Variants in LAMA3 observed in about 807,000 individuals in gnomAD.
The protein encoded by LAMA3 is laminin subunit alpha-3.
In LAMA3, 281 loss-of-function variants were observed where a neutral mutation model predicts 402.0. The observed-to-expected ratio is 0.70, with a 90% CI of 0.63 to 0.77. The LOEUF is 0.77. LAMA3 is among the 30% of genes least tolerant of loss of function. The pLI, the probability that LAMA3 is intolerant of heterozygous loss-of-function variation, is 0.00. For synonymous variants in LAMA3, 1,431 were observed against 1,558.4 expected, an observed-to-expected ratio of 0.92 and a Z score of 1.93; for missense variants, 3,840 against 4,215.5, an observed-to-expected ratio of 0.91 and a Z score of 2.47.
intron 72 of LAMA3, 82 bp from the exon 73 acceptor site, chr18:23,951,602 G>C: frequency 1.8e-6 from 2 of 1,091,300 alleles, no homozygotes; most frequent in Non-Finnish European, 2.8e-6. Flanking sequence ...CAGTTGGCCC[G>C]GTTTGGGGAG....
intron 32 of LAMA3, among the ~76,000 whole-genome samples, chr18:23,854,322 G>GTTCCT (rs1362022630): frequency 2.0e-4 from 31 of 152,212 alleles, no homozygotes; most frequent in Admixed American, 1.8e-3. Context: ...AGGTACTCTT[G>GTTCCT]TTCCTTTCCT....
chr18:23,851,714 G>C (rs2063949243), intron 32 of LAMA3, among the ~76,000 whole-genome samples: 1 of 152,186 alleles, frequency 6.6e-6, no homozygotes, highest in South Asian at 2.1e-4. Context: ...CACAGCTCCA[G>C]TCCTGATCCT....
intron 8 of LAMA3, among the ~76,000 whole-genome samples, chr18:23,769,021 AAACT>A (rs2062138862): frequency 6.6e-6 from 1 of 152,324 alleles, no homozygotes. Context: ...AAGGGTCGAA[AAACT>A]AACTATTGGG....
intron 51 of LAMA3, 70 bp downstream of exon 51, chr18:23,904,764 TG>T: frequency 1.3e-6 from 2 of 1,506,130 alleles, no homozygotes; most frequent in Non-Finnish European, 9.2e-7. Context: ...TTTCTTTCCG[TG>T]GGCTCCAAGG....
At chr18:23,927,906 C>A (rs1197692709) in intron 62 of LAMA3, among the ~76,000 whole-genome samples, 1 of 152,200 alleles carries the variant, frequency 6.6e-6, no homozygotes, top group Non-Finnish European at 1.5e-5. Flanking sequence ...TTGTTGTCTG[C>A]ATTTTTAAAG....
rs527272344 is a variant in LAMA3, at chr18:23,712,273, G to A, written c.295-1647G>A. 5.9e-5 allele frequency among the ~76,000 whole-genome samples: 9 copies of A among 151,856 alleles called. 1 individual carries two copies. In the South Asian group the frequency reaches 8.4e-4, roughly 14 times the overall value. ...TGCATGCCTGTAATCCCAGCTACTC[G>A]GGAGGCTGAGGCAGGAGAATCGCTT... On this transcript the variant is annotated intron_variant, in intron 1 of 74. Coordinates refer to ENST00000313654, the MANE Select transcript of LAMA3 (RefSeq NM_198129.4).
chr18:23,876,170 C>T, intron 38 of LAMA3, 124 bp from the exon 39 acceptor site: 1 of 707,366 alleles, frequency 1.4e-6, no homozygotes, highest in Non-Finnish European at 2.6e-6. Flanking sequence ...GCCTGGGCAG[C>T]AGAGTGAGAC....
chr18:23,946,339 C>T (rs748249177), intron 70 of LAMA3, 55 bp downstream of exon 70: 1 of 1,535,682 alleles, frequency 6.5e-7, no homozygotes, highest in Non-Finnish European at 9.0e-7. Context: ...ATATTATAGG[C>T]ATAATTGTAT....
chr18:23,775,038 G>C (rs752708686), intron 9 of LAMA3, among the ~76,000 whole-genome samples: 2 of 152,170 alleles, frequency 1.3e-5, no homozygotes, highest in African/African-American at 4.8e-5. Flanking sequence ...GGATCAGTAG[G>C]ACACATGAAT....
intron 34 of LAMA3, among the ~76,000 whole-genome samples, chr18:23,859,373 TG>T (rs1224245325): frequency 6.6e-6 from 1 of 152,110 alleles, no homozygotes; most frequent in African/African-American, 2.4e-5. Flanking sequence ...TACCTGGAGG[TG>T]GCATCAGACT....
At chr18:23,810,087 A>G (rs1472805007) in intron 12 of LAMA3, among the ~76,000 whole-genome samples, 1 of 152,192 alleles carries the variant, frequency 6.6e-6, no homozygotes, top group Non-Finnish European at 1.5e-5. Flanking sequence ...AGTGCTCGCT[A>G]TGATAGGCAT....
intron 1 of LAMA3, among the ~76,000 whole-genome samples, chr18:23,699,142 G>A (rs1307732278): frequency 6.6e-6 from 1 of 152,178 alleles, no homozygotes; most frequent in Non-Finnish European, 1.5e-5. Flanking sequence ...TCACAACGAG[G>A]TTGGGAGAGG....
At chr18:23,908,871 G>T (rs539880622) in intron 54 of LAMA3, among the ~76,000 whole-genome samples, 23 of 152,174 alleles carry the variant, frequency 1.5e-4, no homozygotes, top group Non-Finnish European at 2.9e-5. Flanking sequence ...ATGAGATTTC[G>T]TCATGCTATT....
intron 12 of LAMA3, among the ~76,000 whole-genome samples, chr18:23,799,949 A>C (rs1338042226): frequency 6.6e-6 from 1 of 152,186 alleles, no homozygotes; most frequent in African/African-American, 2.4e-5. Context: ...AGCTGATTGG[A>C]TGAGGCCCAC....
At chr18:23,781,798 A>G (rs1325497958) in intron 11 of LAMA3, among the ~76,000 whole-genome samples, 1 of 152,210 alleles carries the variant, frequency 6.6e-6, no homozygotes, top group African/African-American at 2.4e-5. Context: ...TTAGGTAGAA[A>G]GGGTGAGATC....
chr18:23,722,697 G>T (rs1434846370), intron 2 of LAMA3, among the ~76,000 whole-genome samples: 1 of 152,186 alleles, frequency 6.6e-6, no homozygotes, highest in Admixed American at 6.5e-5. Flanking sequence ...TAGGAAGAAA[G>T]ATAAAAACTG....
chr18:23,724,916 C>G (rs2061272016), intron 2 of LAMA3, among the ~76,000 whole-genome samples: 1 of 152,140 alleles, frequency 6.6e-6, no homozygotes, highest in East Asian at 1.9e-4. Flanking sequence ...ATATCTGTGA[C>G]CCTGCAGCCT....
intron 1 of LAMA3, among the ~76,000 whole-genome samples, chr18:23,690,485 C>T (rs1325914228): frequency 6.6e-6 from 1 of 152,218 alleles, no homozygotes; most frequent in Non-Finnish European, 1.5e-5. Context: ...CACTGCACTG[C>T]CTGAAGTGCC....
intron 38 of LAMA3, among the ~76,000 whole-genome samples, chr18:23,872,296 G>A (rs2064548725): frequency 6.6e-6 from 1 of 152,132 alleles, no homozygotes; most frequent in African/African-American, 2.4e-5. Flanking sequence ...CTTGCAGCAG[G>A]ACTCTCGTTG....
Sources: allele counts gnomAD v4.1 joint callset (sites outside exome capture counted in the v4.1 genomes callset), GRCh38; gene constraint gnomAD v4.1.1; transcripts MANE v1.5; gene names NCBI Gene and HGNC (gene_info 2026-07-23, HGNC 2026-07-21).